The following JAK1 variants were observed in gnomAD, a reference collection of about 807,000 sequenced individuals.
JAK1 encodes Janus kinase 1, also known as tyrosine-protein kinase JAK1.
A neutral mutation model predicts 136.6 loss-of-function variants in JAK1; 16 were observed. That is an observed-to-expected ratio of 0.12 (90% CI 0.08 to 0.18). The LOEUF (loss-of-function observed/expected upper bound fraction) is 0.18, where lower values mean the gene tolerates loss of function less well. Ranked by LOEUF, JAK1 falls within the 10% of genes least tolerant of loss-of-function variation. The pLI, the probability that JAK1 is intolerant of heterozygous loss-of-function variation, is 1.00. For synonymous variants in JAK1, 492 were observed against 519.5 expected (o/e 0.95, Z 0.72); for missense variants, 859 against 1,450.1 (o/e 0.59, Z 6.62).
intron 1 of JAK1, among the ~76,000 whole-genome samples, chr1:65,064,600 A>T (rs486378): frequency 6.6e-6 from 1 of 152,216 alleles, no homozygotes; most frequent in Non-Finnish European, 1.5e-5. Context: ...CAAAGACAAG[A>T]AGTTAATTTC....
upstream of JAK1, among the ~76,000 whole-genome samples, chr1:64,969,291 C>G (rs1646429048): frequency 6.6e-6 from 1 of 151,636 alleles, no homozygotes; most frequent in Admixed American, 6.6e-5. Flanking sequence ...ACATTGTGGG[C>G]TGGAAAATTC....
chr1:64,890,436 G>A (rs1644917943), intron 1 of JAK1, among the ~76,000 whole-genome samples: 1 of 152,168 alleles, frequency 6.6e-6, no homozygotes, highest in Admixed American at 6.5e-5. Context: ...GTGTGACCAT[G>A]AGCAAGTCAT....
At chr1:65,015,978 TG>T (rs2100780894) in intron 2 of JAK1, among the ~76,000 whole-genome samples, 1 of 152,300 alleles carries the variant, frequency 6.6e-6, no homozygotes, top group South Asian at 2.1e-4. Flanking sequence ...GAACGAAATG[TG>T]GTATATACAT....
chr1:65,049,538 T>A (rs1647228491), intron 1 of JAK1, among the ~76,000 whole-genome samples: 2 of 152,166 alleles, frequency 1.3e-5, no homozygotes, highest in South Asian at 4.1e-4. Context: ...CCCACCTTGG[T>A]GGGCATGAGC....
chr1:64,839,002 CG>C (rs1239715078), intron 20 of JAK1, among the ~76,000 whole-genome samples: 1 of 149,428 alleles, frequency 6.7e-6, no homozygotes, highest in African/African-American at 2.5e-5. Flanking sequence ...AAAAATTAGC[CG>C]GGCGTGATGG....
chr1:64,906,119 A>AC (rs1360492921), intron 1 of JAK1, among the ~76,000 whole-genome samples: 1 of 152,062 alleles, frequency 6.6e-6, no homozygotes, highest in African/African-American at 2.4e-5. Flanking sequence ...ACACAGTGAA[A>AC]CCCCATCTCT....
At chr1:65,038,920 G>A (rs1647102218) in intron 2 of JAK1, among the ~76,000 whole-genome samples, 1 of 143,486 alleles carries the variant, frequency 7.0e-6, no homozygotes, top group Non-Finnish European at 1.5e-5. Flanking sequence ...TTACAGGCGT[G>A]AGCCACCGCA....
intron 1 of JAK1, among the ~76,000 whole-genome samples, chr1:64,946,887 G>C (rs1262447055): frequency 1.3e-5 from 2 of 152,110 alleles, no homozygotes; most frequent in African/African-American, 4.8e-5. Flanking sequence ...GCCTTTAAAA[G>C]GAAGGAAATT....
chr1:65,013,267 T>C (rs1646865044), intron 2 of JAK1, among the ~76,000 whole-genome samples: 1 of 148,702 alleles, frequency 6.7e-6, no homozygotes, highest in Admixed American at 6.7e-5. Flanking sequence ...CGTGCTGGCA[T>C]GCACCTGTAA....
intron 2 of JAK1, among the ~76,000 whole-genome samples, chr1:65,032,525 A>C (rs35439010): frequency 0.088 from 13,417 of 152,250 alleles, 761 homozygotes; most frequent in Admixed American, 0.17. Context: ...ACAACAACAA[A>C]AAAAACAGGC....
chr1:65,039,763 A>G (rs1206863242), intron 2 of JAK1, among the ~76,000 whole-genome samples: 2 of 152,172 alleles, frequency 1.3e-5, no homozygotes, highest in Non-Finnish European at 2.9e-5. Context: ...CGACACAGCC[A>G]TTGCCTTTTC....
chr1:64,967,075 A>T (rs1168027011), upstream of JAK1, among the ~76,000 whole-genome samples: 4 of 151,746 alleles, frequency 2.6e-5, no homozygotes, highest in Non-Finnish European at 5.9e-5. Flanking sequence ...AAAAAAAAGC[A>T]TATGCATAAT....
chr1:64,966,196 C>G (rs1646374637), intron 1 of JAK1, 137 bp downstream of exon 1: 1 of 151,832 alleles, frequency 6.6e-6, no homozygotes, highest in African/African-American at 2.4e-5. Flanking sequence ...CTGAGCTGCG[C>G]TCAGGAGCAG....
At chr1:64,835,865 A>G (rs1422555459) in intron 23 of JAK1, among the ~76,000 whole-genome samples, 1 of 152,212 alleles carries the variant, frequency 6.6e-6, no homozygotes, top group Non-Finnish European at 1.5e-5. Flanking sequence ...CTCTACACAG[A>G]TAAGATCCTT....
chr1:64,906,948 T>C (rs1645199457), intron 1 of JAK1, among the ~76,000 whole-genome samples: 1 of 149,560 alleles, frequency 6.7e-6, no homozygotes, highest in Non-Finnish European at 1.5e-5. Context: ...ACCCACTAAA[T>C]GCACATACTC....
chr1:65,002,741 T>C lies in JAK1; in HGVS notation c.-78+41739A>G, dbSNP rs908398497. The stretch of plus-strand genomic sequence containing the variant: ...GCGCAGTTGGAAGCCCGGGCGCTCT[T>C]ACCGAAAGCGCGAGCCCGGACTTCC... On this transcript the variant is annotated intron_variant, in intron 2 of 25. Coordinates refer to the JAK1 transcript ENST00000671954. Among the ~76,000 whole-genome samples, 8 of 152,270 alleles carry C rather than the reference T, an allele frequency of 5.3e-5. No homozygotes were observed. In the East Asian group the frequency reaches 1.6e-3, roughly 30 times the overall value.
intron 3 of JAK1, 127 bp downstream of exon 3, chr1:64,883,150 G>A (rs376302081): frequency 4.3e-6 from 3 of 694,372 alleles, no homozygotes; most frequent in East Asian, 2.9e-5. Context: ...GCAGAGGCAG[G>A]GAGGAACCTG....
intron 2 of JAK1, among the ~76,000 whole-genome samples, chr1:65,031,085 G>A (rs986148016): frequency 3.3e-5 from 5 of 150,480 alleles, no homozygotes; most frequent in Non-Finnish European, 7.4e-5. Context: ...GCCAGGGAGG[G>A]TGAGACTGAA....
At chr1:64,880,285 G>A (rs1215301350) in intron 3 of JAK1, among the ~76,000 whole-genome samples, 5 of 152,174 alleles carry the variant, frequency 3.3e-5, no homozygotes, top group Admixed American at 1.3e-4. Context: ...CTTATAAACC[G>A]AGAATATGGA....
Sources: gnomAD v4.1 joint callset for allele counts (sites outside exome capture counted in the v4.1 genomes callset) on GRCh38, gnomAD v4.1.1 for gene constraint, MANE v1.5 for transcripts, NCBI Gene and HGNC (gene_info 2026-07-23, HGNC 2026-07-21) for gene names.